The following PARD3 variants were observed in gnomAD, a reference collection of about 807,000 sequenced individuals.
PARD3 encodes par-3 family cell polarity regulator.
In PARD3, 75 loss-of-function variants were observed where a neutral mutation model predicts 155.4. That is an observed-to-expected ratio of 0.48 (90% CI 0.40 to 0.58). The LOEUF (loss-of-function observed/expected upper bound fraction) is 0.58, where lower values mean the gene tolerates loss of function less well. Ranked by LOEUF, PARD3 falls within the 20% of genes least tolerant of loss-of-function variation. PARD3 has a pLI of 0.00. For synonymous variants in PARD3, 576 were observed against 610.5 expected, an observed-to-expected ratio of 0.94 and a Z score of 0.83; for missense variants, 1,642 against 1,721.7, an observed-to-expected ratio of 0.95 and a Z score of 0.82.
At chr10:34,263,903 T>C (rs1198833554) in intron 22 of PARD3, among the ~76,000 whole-genome samples, 3 of 152,212 alleles carry the variant, frequency 2.0e-5, no homozygotes, top group Non-Finnish European at 4.4e-5. Context: ...CACTGGAGAA[T>C]ACTGCTCATT....
At chr10:34,573,472 T>A (rs11009821) in intron 2 of PARD3, among the ~76,000 whole-genome samples, 5 of 151,712 alleles carry the variant, frequency 3.3e-5, no homozygotes, top group Admixed American at 2.6e-4. Context: ...GAGGCCAAGG[T>A]GGGTGGATTG....
intron 1 of PARD3, among the ~76,000 whole-genome samples, chr10:34,716,677 C>G (rs1056970044): frequency 6.8e-6 from 1 of 146,050 alleles, no homozygotes; most frequent in Non-Finnish European, 1.5e-5. Flanking sequence ...ACTGCAACCT[C>G]TGCCTCCTGG....
chr10:34,563,776 G>A (rs1398522696), intron 2 of PARD3, among the ~76,000 whole-genome samples: 4 of 152,014 alleles, frequency 2.6e-5, no homozygotes, highest in Admixed American at 1.3e-4. Context: ...TGATCCGCCC[G>A]CCTTGGCCTC....
chr10:34,441,562 T>C (rs2076462485), intron 5 of PARD3, among the ~76,000 whole-genome samples: 1 of 152,192 alleles, frequency 6.6e-6, no homozygotes, highest in Admixed American at 6.5e-5. Flanking sequence ...TATGGAAAAG[T>C]AGAATGCCAT....
intron 2 of PARD3, among the ~76,000 whole-genome samples, chr10:34,593,070 T>A (rs1333614842): frequency 1.3e-5 from 2 of 152,140 alleles, no homozygotes; most frequent in East Asian, 3.9e-4. Context: ...AAGAGGGTAG[T>A]GAGAAAGACA....
chr10:34,685,910 A>C (rs1449437398), intron 2 of PARD3, among the ~76,000 whole-genome samples: 1 of 152,040 alleles, frequency 6.6e-6, no homozygotes, highest in African/African-American at 2.4e-5. Flanking sequence ...CAATCATTTT[A>C]AAATTCGAGG....
In PARD3 at chr10:34,382,602, G is replaced by A. The variant is rs777703224; in HGVS notation, c.1337C>T (p.Thr446Ile). Reference sequence around the variant, plus strand: ...TTTGGTGTTATAACCACTGCTTACAGTCGTACTAAATACATTCTGAGGTGC... The same window carrying A: ...TTTGGTGTTATAACCACTGCTTACAATCGTACTAAATACATTCTGAGGTGC... ...ASAPQNVFST[T>I]VSSGYNTKKI... The change falls in exon 9 of 25, where the codon ACT becomes ATT. Residue 446 changes from threonine (T) to isoleucine (I), a missense_variant. This residue lies in a region of PARD3 where 1,529 missense variants were observed against 1,587.3 expected (regional missense o/e 0.96). Transcript: ENST00000374788. The A allele has an allele frequency of 1.2e-6, 2 of 1,613,990 alleles. No individual in the cohort carries two copies.
chr10:34,453,656 A>T (rs2132838368), intron 4 of PARD3, among the ~76,000 whole-genome samples: 1 of 152,366 alleles, frequency 6.6e-6, no homozygotes, highest in Non-Finnish European at 1.5e-5. Context: ...TTTTAGATTT[A>T]TACTAAAAGA....
chr10:34,643,368 C>T (rs986645810), intron 2 of PARD3, among the ~76,000 whole-genome samples: 7 of 152,238 alleles, frequency 4.6e-5, no homozygotes, highest in Non-Finnish European at 7.3e-5. Context: ...ATGTCTCCAG[C>T]CATAGCACAT....
intron 2 of PARD3, among the ~76,000 whole-genome samples, chr10:34,523,531 C>T (rs1187458493): frequency 6.6e-6 from 1 of 152,162 alleles, no homozygotes; most frequent in Non-Finnish European, 1.5e-5. Context: ...CTCCATGACC[C>T]TCTCTTCATC....
At chr10:34,386,177 G>T (rs1005163538) in intron 7 of PARD3, among the ~76,000 whole-genome samples, 1 of 152,128 alleles carries the variant, frequency 6.6e-6, no homozygotes, top group African/African-American at 2.4e-5. Context: ...CAGCTTGCAA[G>T]AATTGTAATT....
At chr10:34,673,173 G>T (rs996095598) in intron 2 of PARD3, among the ~76,000 whole-genome samples, 11 of 152,098 alleles carry the variant, frequency 7.2e-5, no homozygotes, top group African/African-American at 2.2e-4. Context: ...TCAACACACT[G>T]CATGATATTT....
chr10:34,520,550 A>G (rs934137615), intron 2 of PARD3, among the ~76,000 whole-genome samples: 1 of 152,206 alleles, frequency 6.6e-6, no homozygotes, highest in African/African-American at 2.4e-5. Context: ...CAGACATTCC[A>G]CTAGATTAGG....
chr10:34,167,500 A>C (rs1241122979), intron 22 of PARD3, among the ~76,000 whole-genome samples: 1 of 151,746 alleles, frequency 6.6e-6, no homozygotes, highest in African/African-American at 2.4e-5. Context: ...AAGAAATATG[A>C]AACATTAAAA....
chr10:34,509,173 A>G (rs927515129), intron 3 of PARD3, among the ~76,000 whole-genome samples: 3 of 152,204 alleles, frequency 2.0e-5, no homozygotes, highest in Non-Finnish European at 2.9e-5. Flanking sequence ...GGGTGGGGAA[A>G]AAAACCCCAA....
At chr10:34,163,732 C>T (rs1949391321) in intron 22 of PARD3, among the ~76,000 whole-genome samples, 1 of 152,100 alleles carries the variant, frequency 6.6e-6, no homozygotes, top group Non-Finnish European at 1.5e-5. Flanking sequence ...GTTTGCAAAC[C>T]CTTCTGTCAG....
In PARD3 at chr10:34,269,807, T is replaced by A. The variant is rs1564535146; in HGVS notation, c.3269A>T (p.Asp1090Val). The A allele has an allele frequency of 2.5e-6, 4 of 1,614,026 alleles. No individual in the cohort carries two copies. Among genetic ancestry groups the A allele is most frequent in the South Asian group, 1.1e-5 (1 of 91,074 alleles). The change falls in exon 22 of 25, where the codon GAT becomes GTT. Residue 1090 changes from aspartate (D) to valine (V), a missense_variant. By Grantham distance (152) the Asp-to-Val change is radical. Coordinates refer to ENST00000374788, the MANE Select transcript of PARD3 (RefSeq NM_001184785.2). ...AACTCCCCCATACATTAACTCATCA[T>A]CACAGCCAAATGTCCGATGAAAATC... ...IQDFHRTFGC[D>V]DELMYGGVSS... is the part of the protein sequence containing the mutation.
intron 1 of PARD3, among the ~76,000 whole-genome samples, chr10:34,805,675 G>C (rs1443245035): frequency 1.3e-5 from 2 of 151,392 alleles, no homozygotes; most frequent in African/African-American, 4.9e-5. Context: ...TACTTACCTT[G>C]AGACAATAAG....
At chr10:34,231,891 T>C (rs1952953349) in intron 22 of PARD3, among the ~76,000 whole-genome samples, 1 of 152,104 alleles carries the variant, frequency 6.6e-6, no homozygotes, top group South Asian at 2.1e-4. Flanking sequence ...AATACATGTT[T>C]TGTCCTCCTA....
Sources: gnomAD v4.1 joint callset for allele counts (sites outside exome capture counted in the v4.1 genomes callset) on GRCh38, gnomAD v4.1.1 for gene constraint, gnomAD v4.1.1 regional missense constraint, MANE v1.5 for transcripts, NCBI Gene and HGNC (gene_info 2026-07-23, HGNC 2026-07-21) for gene names.